Variants in XKR4 observed in about 807,000 individuals in gnomAD.
The protein encoded by XKR4 is XK-related protein 4.
A neutral mutation model predicts 53.9 loss-of-function variants in XKR4; 12 were observed. That is an observed-to-expected ratio of 0.22 (90% CI 0.14 to 0.36). XKR4 has a LOEUF of 0.36. Ranked by LOEUF, XKR4 falls within the 10% of genes least tolerant of loss-of-function variation. The probability of loss-of-function intolerance (pLI) is 1.00; values close to 1 mark genes in which losing one functional copy is unlikely to be tolerated. For synonymous variants in XKR4, 354 were observed against 362.4 expected (o/e 0.98, Z 0.26); for missense variants, 799 against 859.5 (o/e 0.93, Z 0.88).
At chr8:55,354,752 C>T (rs1188253700) in intron 1 of XKR4, among the ~76,000 whole-genome samples, 1 of 149,406 alleles carries the variant, frequency 6.7e-6, no homozygotes, top group African/African-American at 2.4e-5. Flanking sequence ...AAATCATAAG[C>T]AAATACCTCT....
At chr8:55,139,804 G>GAA (rs572079202) in intron 1 of XKR4, among the ~76,000 whole-genome samples, 36 of 152,174 alleles carry the variant, frequency 2.4e-4, no homozygotes, top group African/African-American at 7.7e-4. Flanking sequence ...TTCACCAGCA[G>GAA]ATGTATTTAA....
chr8:55,221,883 G>T (rs1425376549), intron 1 of XKR4, among the ~76,000 whole-genome samples: 1 of 152,184 alleles, frequency 6.6e-6, no homozygotes, highest in African/African-American at 2.4e-5. Flanking sequence ...CAGTTCATGA[G>T]GAAAGAGGAG....
At chr8:55,466,358 C>A (rs1372007234) in intron 2 of XKR4, among the ~76,000 whole-genome samples, 1 of 151,900 alleles carries the variant, frequency 6.6e-6, no homozygotes, top group South Asian at 2.1e-4. Flanking sequence ...AGCTGGAAAC[C>A]ATCATTCTCA....
At chr8:55,508,066 T>C (rs1563369288) in intron 2 of XKR4, among the ~76,000 whole-genome samples, 1 of 152,184 alleles carries the variant, frequency 6.6e-6, no homozygotes, top group African/African-American at 2.4e-5. Context: ...TAAAAGTCTC[T>C]GTCTTGAGAA....
At chr8:55,162,736 C>T (rs1190450909) in intron 1 of XKR4, among the ~76,000 whole-genome samples, 1 of 152,088 alleles carries the variant, frequency 6.6e-6, no homozygotes, top group Non-Finnish European at 1.5e-5. Flanking sequence ...TAGGGTATTA[C>T]TGTGTGAAAT....
rs1371850300 is a variant in XKR4, at chr8:55,529,825, A to T, written c.*5598A>T. The T allele has an allele frequency of 6.6e-6, 1 of 152,192 alleles. No individual in the cohort carries two copies. Among genetic ancestry groups the T allele is most frequent in the African/African-American group, 2.4e-5 (1 of 41,442 alleles). The allele number at this position is 152,192 out of a possible 1,614,324, so 9.4% of individuals were successfully genotyped here. Reference sequence around the variant, plus strand: ...AAGATGTCCTTCAAAATGAACAGTTAAAAATGTAAAAGTCGATGTAAAATG... The same window carrying T: ...AAGATGTCCTTCAAAATGAACAGTTTAAAATGTAAAAGTCGATGTAAAATG... On this transcript the variant is annotated 3_prime_UTR_variant, in exon 3 of 3. Coordinates refer to ENST00000327381, the MANE Select transcript of XKR4 (RefSeq NM_052898.2).
At chr8:55,461,224 C>G (rs1222542631) in intron 2 of XKR4, among the ~76,000 whole-genome samples, 3 of 152,238 alleles carry the variant, frequency 2.0e-5, no homozygotes, top group Non-Finnish European at 4.4e-5. Context: ...AGGCACCCCC[C>G]AGTAGGGGCG....
chr8:55,496,132 T>C (rs574039890), intron 2 of XKR4, among the ~76,000 whole-genome samples: 2 of 152,286 alleles, frequency 1.3e-5, no homozygotes. Flanking sequence ...GCATTTGATA[T>C]ATGTTAAGTA....
At chr8:55,245,800 G>A (rs764760620) in intron 1 of XKR4, among the ~76,000 whole-genome samples, 4 of 152,016 alleles carry the variant, frequency 2.6e-5, no homozygotes, top group African/African-American at 7.3e-5. Context: ...TCTTAGAAAT[G>A]CCTCCCAATG....
At chr8:55,449,150 T>C (rs1242515959) in intron 2 of XKR4, among the ~76,000 whole-genome samples, 1 of 150,736 alleles carries the variant, frequency 6.6e-6, no homozygotes, top group Non-Finnish European at 1.5e-5. Flanking sequence ...GAGATATTTA[T>C]TCTAGATTTA....
rs1806854225 is a variant in XKR4 at position 55,524,505 on chromosome 8, A to C, written c.*278A>C. On this transcript the variant is annotated 3_prime_UTR_variant, in exon 3 of 3. Transcript: ENST00000327381. ...CTCCTGCACGGTCTTGGGTGCACCCACCAGAGGGTACTACTATTATGGAAA... is the reference window on the plus strand; with the variant it reads ...CTCCTGCACGGTCTTGGGTGCACCCCCCAGAGGGTACTACTATTATGGAAA... 1 of 446,674 alleles carries C rather than the reference A, an allele frequency of 2.2e-6. No homozygotes were observed. The highest frequency in any genetic ancestry group is 3.5e-5 in the South Asian group (1 of 28,322). 27.7% of individuals were successfully genotyped at this position (446,674 alleles called of 1,614,324 possible). A position where few individuals can be genotyped will look rare whatever the true frequency, so the allele number is the denominator to read the frequency against.
At chr8:55,112,506 C>G (rs190053949) in intron 1 of XKR4, among the ~76,000 whole-genome samples, 12 of 139,284 alleles carry the variant, frequency 8.6e-5, no homozygotes, top group Non-Finnish European at 1.8e-4. Context: ...ATCTGCAGTA[C>G]AGGTAATAGT....
chr8:55,430,859 C>A (rs1184612374), intron 2 of XKR4, among the ~76,000 whole-genome samples: 2 of 152,154 alleles, frequency 1.3e-5, no homozygotes, highest in African/African-American at 4.8e-5. Flanking sequence ...CCCTTGTGAC[C>A]TAATTTTAAC....
chr8:55,232,091 A>C (rs1818050002), intron 1 of XKR4, among the ~76,000 whole-genome samples: 1 of 152,250 alleles, frequency 6.6e-6, no homozygotes, highest in Non-Finnish European at 1.5e-5. Context: ...CAATCCTGTC[A>C]TTCTGACCAC....
intron 1 of XKR4, among the ~76,000 whole-genome samples, chr8:55,286,251 G>C (rs1329144026): frequency 6.6e-6 from 1 of 152,178 alleles, no homozygotes; most frequent in East Asian, 1.9e-4. Context: ...CATCTGAGAA[G>C]GTCAGAAGAT....
chr8:55,213,557 G>A (rs189047238), intron 1 of XKR4, among the ~76,000 whole-genome samples: 96 of 147,464 alleles, frequency 6.5e-4, no homozygotes, highest in Admixed American at 6.3e-3. Context: ...TTCTAATGTT[G>A]TGACTAATTT....
intron 2 of XKR4, among the ~76,000 whole-genome samples, chr8:55,415,560 A>G (rs572706002): frequency 9.8e-4 from 149 of 152,320 alleles, no homozygotes; most frequent in African/African-American, 3.5e-3. Flanking sequence ...ATCTGAATGT[A>G]TGTTAATGAA....
intron 1 of XKR4, among the ~76,000 whole-genome samples, chr8:55,240,741 G>A (rs1818199448): frequency 6.6e-6 from 1 of 152,164 alleles, no homozygotes; most frequent in African/African-American, 2.4e-5. Flanking sequence ...CTTTTCATAA[G>A]TAAATTATCA....
chr8:55,284,248 C>T lies in XKR4; in HGVS notation c.807-73430C>T, dbSNP rs561369612. Among the ~76,000 whole-genome samples, 30 of 152,270 alleles carry T rather than the reference C, an allele frequency of 2.0e-4. No individual in the cohort carries two copies. The South Asian group carries it at 5.8e-3, about 29-fold the overall frequency. On this transcript the variant is annotated intron_variant, in intron 1 of 2. Coordinates refer to ENST00000327381, the MANE Select transcript of XKR4 (RefSeq NM_052898.2). The stretch of plus-strand genomic sequence containing the variant: ...TACTAGGTTATATAATGTGAACTCT[C>T]ATTAATATTTGTAAATGTTATTTTA...
Sources: gnomAD v4.1 joint callset for allele counts (sites outside exome capture counted in the v4.1 genomes callset) on GRCh38, gnomAD v4.1.1 for gene constraint, MANE v1.5 for transcripts, NCBI Gene and HGNC (gene_info 2026-07-23, HGNC 2026-07-21) for gene names.